Variants in NR0B2 observed in about 807,000 individuals in gnomAD.
NR0B2 encodes nuclear receptor subfamily 0 group B member 2, also known as nuclear receptor SHP.
A neutral mutation model predicts 18.9 loss-of-function variants in NR0B2; 17 were observed. The observed-to-expected ratio is 0.90, with a 90% CI of 0.62 to 1.35. The LOEUF is 1.35. Ranked by LOEUF, NR0B2 falls within the 40% of genes most tolerant of loss-of-function variation. The pLI, the probability that NR0B2 is intolerant of heterozygous loss-of-function variation, is 0.00. For missense variants in NR0B2, 312 were observed against 333.3 expected, an observed-to-expected ratio of 0.94 and a Z score of 0.50; for synonymous variants, 116 against 138.5, an observed-to-expected ratio of 0.84 and a Z score of 1.14.
At chr1:26,912,127 C>T (rs957541325) in intron 1 of NR0B2, 41 bp from the exon 2 acceptor site, 1 of 1,610,338 alleles carries the variant, frequency 6.2e-7, no homozygotes, top group Non-Finnish European at 8.5e-7. Context: ...GAGCACCCTA[C>T]TCCCAGCCAC....
chr1:26,911,764 T>C lies in NR0B2; in HGVS notation c.*81A>G, dbSNP rs972377727. Reference sequence around the variant, plus strand: ...TACAGGCTTGCCCCCTCCAGGAGCATTGGGTCACCTCTGGGGATGGCCAGG... The same window carrying C: ...TACAGGCTTGCCCCCTCCAGGAGCACTGGGTCACCTCTGGGGATGGCCAGG... On this transcript the variant is annotated 3_prime_UTR_variant, in exon 2 of 2. Transcript: ENST00000254227. 21 of 1,571,192 alleles carry C rather than the reference T, an allele frequency of 1.3e-5. No individual in the cohort carries two copies. Among genetic ancestry groups the C allele is most frequent in the Non-Finnish European group, 1.6e-5 (18 of 1,143,038 alleles).
intron 1 of NR0B2, 100 bp downstream of exon 1, chr1:26,913,309 G>A (rs2082039187): frequency 1.9e-6 from 2 of 1,045,440 alleles, no homozygotes; most frequent in Admixed American, 1.8e-5. Flanking sequence ...AGAAAATGAG[G>A]ACCCAATGAG....
chr1:26,913,819 C>G lies in NR0B2; in HGVS notation c.122G>C (p.Cys41Ser), dbSNP rs768288444. The G allele has an allele frequency of 2.0e-6, 3 of 1,513,610 alleles. No individual in the cohort carries two copies. The highest frequency in any genetic ancestry group is 2.7e-6 in the Non-Finnish European group (3 of 1,130,094). The allele number at this position is 1,513,610 out of a possible 1,614,324, so 93.8% of individuals were successfully genotyped here. ...AVPRPRSRCL[C>S]RQHRPVQLCA... ...TAGCTGGACGGGCCGGTGCTGCCTA[C>G]ATAGGCAGCGGCTACGGGGTCGGGG... Residue 41 changes from cysteine (C) to serine (S), a missense_variant, in exon 1 of 2, where the codon TGT (cysteine) becomes TCT (serine). By Grantham distance (112) the Cys-to-Ser change is moderately radical (BLOSUM62 -1). Coordinates refer to ENST00000254227, the MANE Select transcript of NR0B2 (RefSeq NM_021969.3).
chr1:26,911,803 G>A lies in NR0B2; in HGVS notation c.*42C>T. 1.9e-6 allele frequency: 3 copies of A among 1,613,310 alleles called. No individual in the cohort carries two copies. The highest frequency in any genetic ancestry group is 2.5e-6 in the Non-Finnish European group (3 of 1,179,472). ...GGGATGGCCAGGCTGAATCAGCACT[G>A]CCAGCCTCTGCCCACCTGATCTCTG... On this transcript the variant is annotated 3_prime_UTR_variant, in exon 2 of 2. Coordinates refer to ENST00000254227, the MANE Select transcript of NR0B2 (RefSeq NM_021969.3).
chr1:26,913,805 G>C lies in NR0B2; in HGVS notation c.136C>G (p.Pro46Ala), dbSNP rs1570714738. 1 of 1,526,878 alleles carries C rather than the reference G, an allele frequency of 6.5e-7. No homozygotes were observed. Among genetic ancestry groups the C allele is most frequent in the Non-Finnish European group, 8.8e-7 (1 of 1,136,064 alleles). 94.6% of individuals were successfully genotyped at this position (1,526,878 alleles called of 1,614,324 possible). A position where few individuals can be genotyped will look rare whatever the true frequency, so the allele number is the denominator to read the frequency against. ...RSRCLCRQHR[P>A]VQLCAPHRTC... ...CGATGAGGTGCACATAGCTGGACGGGCCGGTGCTGCCTACATAGGCAGCGG... is the reference window on the plus strand; with the variant it reads ...CGATGAGGTGCACATAGCTGGACGGCCCGGTGCTGCCTACATAGGCAGCGG... The change falls in exon 1 of 2, where the codon CCC (proline) becomes GCC (alanine). Residue 46 changes from proline (P) to alanine (A), a missense_variant. By Grantham distance (27) the Pro-to-Ala change is conservative. Coordinates refer to ENST00000254227, the MANE Select transcript of NR0B2 (RefSeq NM_021969.3).
chr1:26,913,421 G>A lies in NR0B2; in HGVS notation c.520C>T (p.Leu174Phe). The change falls in exon 1 of 2, where the codon CTC becomes TTC. Residue 174 changes from leucine (L) to phenylalanine (F), a missense_variant. Transcript: ENST00000254227. ...KEYACLKGTI[L>F]FNPDVPGLQA... Reference sequence around the variant, plus strand: ...TCTGGGAGCTCACCGGGGTTGAAGAGGATGGTCCCTTTCAGGCAGGCATAT... The same window carrying A: ...TCTGGGAGCTCACCGGGGTTGAAGAAGATGGTCCCTTTCAGGCAGGCATAT... 1.2e-6 allele frequency: 2 copies of A among 1,614,086 alleles called. No homozygotes were observed. The highest frequency in any genetic ancestry group is 1.7e-6 in the Non-Finnish European group (2 of 1,180,008).
chr1:26,913,820 A>G lies in NR0B2; in HGVS notation c.121T>C (p.Cys41Arg), dbSNP rs569477682. 5 of 1,513,690 alleles carry G rather than the reference A, an allele frequency of 3.3e-6. No homozygotes were observed. Among genetic ancestry groups the G allele is most frequent in the Middle Eastern group, 1.8e-4 (1 of 5,594 alleles). 93.8% of individuals were successfully genotyped at this position (1,513,690 alleles called of 1,614,324 possible). ...AVPRPRSRCLCRQHRPVQLCA... is the reference protein window; with the variant it reads ...AVPRPRSRCLRRQHRPVQLCA... Reference sequence around the variant, plus strand: ...AGCTGGACGGGCCGGTGCTGCCTACATAGGCAGCGGCTACGGGGTCGGGGG... The same window carrying G: ...AGCTGGACGGGCCGGTGCTGCCTACGTAGGCAGCGGCTACGGGGTCGGGGG... The change falls in exon 1 of 2, where the codon TGT becomes CGT. Residue 41 changes from cysteine to arginine, a missense_variant. Cys to Arg is a radical substitution (Grantham distance 180). Coordinates refer to ENST00000254227, the MANE Select transcript of NR0B2 (RefSeq NM_021969.3).
In NR0B2 at chr1:26,911,819, C is replaced by G. The variant is rs1413567651; in HGVS notation, c.*26G>C. ...ATCAGCACTGCCAGCCTCTGCCCAC[C>G]TGATCTCTGCCTGGGCTGGAACAGG... On this transcript the variant is annotated 3_prime_UTR_variant, in exon 2 of 2. Coordinates refer to ENST00000254227, the MANE Select transcript of NR0B2 (RefSeq NM_021969.3). 1.2e-6 allele frequency: 2 copies of G among 1,613,940 alleles called. No homozygotes were observed. Among genetic ancestry groups the G allele is most frequent in the Non-Finnish European group, 1.7e-6 (2 of 1,180,018 alleles).
intron 1 of NR0B2, among the ~76,000 whole-genome samples, chr1:26,912,892 C>G (rs964576430): frequency 1.3e-5 from 2 of 152,164 alleles, no homozygotes; most frequent in Non-Finnish European, 1.5e-5. Flanking sequence ...AGTGAATAGA[C>G]CTGAGTTGCC....
intron 1 of NR0B2, among the ~76,000 whole-genome samples, chr1:26,912,688 C>T (rs753851315): frequency 3.3e-5 from 5 of 152,296 alleles, no homozygotes; most frequent in South Asian, 2.1e-4. Flanking sequence ...GTCCTCCCTA[C>T]GCCCCTTTCA....
chr1:26,913,338 T>G (rs1411495556), intron 1 of NR0B2, 71 bp downstream of exon 1: 13 of 1,412,258 alleles, frequency 9.2e-6, no homozygotes, highest in Non-Finnish European at 1.3e-5. Flanking sequence ...TATCAAACCC[T>G]TAGAAGCTAC....
Position 26,913,214 on chromosome 1 carries a change from G to A in NR0B2, c.532+195C>T, listed in dbSNP as rs956101155. 3.9e-5 allele frequency among the ~76,000 whole-genome samples: 6 copies of A among 152,146 alleles called. No homozygotes were observed. In the East Asian group the frequency reaches 9.6e-4, roughly 24 times the overall value. ...GGCAGAGAAAATTGCTTGAACCCAG[G>A]AGGCAGAGGTTGCAGTGAGCCAAGA... On this transcript the variant is annotated intron_variant, in intron 1 of 1. Transcript: ENST00000254227.
At chr1:26,913,294 T>G (rs927603106) in intron 1 of NR0B2, 115 bp downstream of exon 1, 1 of 979,594 alleles carries the variant, frequency 1.0e-6, no homozygotes, top group Non-Finnish European at 1.6e-6. Context: ...CTCAGAAAAA[T>G]AAAAAGAAAA....
At chr1:26,913,284 C>A in intron 1 of NR0B2, 125 bp downstream of exon 1, 1 of 901,560 alleles carries the variant, frequency 1.1e-6, no homozygotes, top group Non-Finnish European at 1.8e-6. Context: ...GAGACTCTGT[C>A]TCAGAAAAAT....
Position 26,913,907 on chromosome 1 carries a change from G to T in NR0B2, c.34C>A (p.Gln12Lys). The change falls in exon 1 of 2, where the codon CAG becomes AAG. Residue 12 changes from glutamine (Q) to lysine (K), a missense_variant. Gln to Lys is a moderately conservative substitution (Grantham distance 53). Transcript: ENST00000254227. ...ATGGCGGGGCGGCTTGCAGCTCCCTGGCATGGGCAGGCCCCTGGTTGGCTG... is the reference window on the plus strand; with the variant it reads ...ATGGCGGGGCGGCTTGCAGCTCCCTTGCATGGGCAGGCCCCTGGTTGGCTG... ...STSQPGACPC[Q>K]GAASRPAILY... 1 of 1,485,352 alleles carries T rather than the reference G, an allele frequency of 6.7e-7. No homozygotes were observed. Among genetic ancestry groups the T allele is most frequent in the Non-Finnish European group, 9.0e-7 (1 of 1,116,226 alleles). The allele number at this position is 1,485,352 out of a possible 1,614,324, so 92.0% of individuals were successfully genotyped here.
At position 26,913,470 on chromosome 1, in the gene NR0B2, C is replaced by G. The variant is rs1185997483; in HGVS notation, c.471G>C (p.Trp157Cys). The G allele has an allele frequency of 1.2e-6, 2 of 1,614,054 alleles. No individual in the cohort carries two copies. The change falls in exon 1 of 2, where the codon TGG (tryptophan) becomes TGC (cysteine). Residue 157 changes from tryptophan to cysteine, a missense_variant. By Grantham distance (215) the Trp-to-Cys change is radical. Transcript: ENST00000254227. ...QWLQCCLESF[W>C]SLELSPKEYA... is the part of the protein sequence containing the mutation. ...ATTCCTTGGGGCTAAGCTCCAGGCT[C>G]CAGAAGGACTCCAGACAGCATTGAA...
In NR0B2 at chr1:26,913,404, C is replaced by G; in HGVS notation, c.532+5G>C. 6.2e-7 allele frequency: 1 copy of G among 1,614,042 alleles called. No homozygotes were observed. The highest frequency in any genetic ancestry group is 2.2e-5 in the East Asian group (1 of 44,872). ...CCCCCCACCCAGGAGTGTCTGGGAG[C>G]TCACCGGGGTTGAAGAGGATGGTCC... On this transcript the variant is annotated splice_donor_5th_base_variant and intron_variant, in intron 1 of 1. Transcript: ENST00000254227.
Position 26,911,744 on chromosome 1 carries a change from G to T in NR0B2, c.*101C>A, listed in dbSNP as rs41303639. The T allele has an allele frequency of 1.4e-6, 2 of 1,409,250 alleles. No individual in the cohort carries two copies. The highest frequency in any genetic ancestry group is 1.4e-5 in the African/African-American group (1 of 70,912). 87.3% of individuals were successfully genotyped at this position (1,409,250 alleles called of 1,614,324 possible). ...AAGGAGCCAAGTGCTGTCTATACAG[G>T]CTTGCCCCCTCCAGGAGCATTGGGT... On this transcript the variant is annotated 3_prime_UTR_variant, in exon 2 of 2. Transcript: ENST00000254227.
In NR0B2 at chr1:26,911,915, A is replaced by G; in HGVS notation, c.704T>C (p.Leu235Pro). 1.2e-6 allele frequency: 2 copies of G among 1,614,180 alleles called. No individual in the cohort carries two copies. Among genetic ancestry groups the G allele is most frequent in the Non-Finnish European group, 1.7e-6 (2 of 1,180,012 alleles). The change falls in exon 2 of 2, where the codon CTC becomes CCC. Residue 235 changes from leucine (L) to proline (P), a missense_variant. By Grantham distance (98) the Leu-to-Pro change is moderately conservative. Transcript: ENST00000254227. ...ATCTCCAATGATAGGGCGAAAGAAG[A>G]GGTCCCCAAGCAGGCTGGTCGGAAT... ...KSIPTSLLGD[L>P]FFRPIIGDVD... is the part of the protein sequence containing the mutation.
Sources: gnomAD v4.1 joint callset for allele counts (sites outside exome capture counted in the v4.1 genomes callset) on GRCh38, gnomAD v4.1.1 for gene constraint, MANE v1.5 for transcripts, NCBI Gene and HGNC (gene_info 2026-07-23, HGNC 2026-07-21) for gene names.